Variants in HIVEP1 observed in about 807,000 individuals in gnomAD.
The protein encoded by HIVEP1 is zinc finger protein 40.
Under a neutral mutation model 180.0 loss-of-function variants are expected in HIVEP1, and 36 were observed. That is an observed-to-expected ratio of 0.20 (90% confidence interval 0.15 to 0.26). The LOEUF is 0.26. Ranked by LOEUF, HIVEP1 falls within the 10% of genes least tolerant of loss-of-function variation. The pLI, the probability that HIVEP1 is intolerant of heterozygous loss-of-function variation, is 1.00. For missense variants in HIVEP1, 3,143 were observed against 3,268.7 expected (o/e 0.96, Z 0.94); for synonymous variants, 1,239 against 1,239.0 (o/e 1.00, Z 0.00).
chr6:12,159,165 G>A (rs1447996560), intron 7 of HIVEP1, among the ~76,000 whole-genome samples: 17 of 152,036 alleles, frequency 1.1e-4, no homozygotes, highest in Admixed American at 1.0e-3. Flanking sequence ...TTTGGAAAAA[G>A]TTAATAAGTT....
intron 7 of HIVEP1, among the ~76,000 whole-genome samples, chr6:12,151,117 T>C (rs1006063681): frequency 6.6e-6 from 1 of 152,232 alleles, no homozygotes; most frequent in Non-Finnish European, 1.5e-5. Flanking sequence ...GGAAGTTGTT[T>C]GACGTAAATG....
At chr6:12,197,983 C>T in the HIVEP1 span, among the ~76,000 whole-genome samples, 1 of 152,300 alleles carries the variant, frequency 6.6e-6, no homozygotes, top group Non-Finnish European at 1.5e-5. Context: ...CTGGCTTGGA[C>T]CAGTTGGCTG....
At chr6:12,206,450 AACAC>A in the HIVEP1 span, among the ~76,000 whole-genome samples, 1 of 151,878 alleles carries the variant, frequency 6.6e-6, no homozygotes, top group Admixed American at 6.6e-5. Context: ...GGGAAATTTG[AACAC>A]ACACACACAG....
rs189053119 is a variant in HIVEP1, at chr6:12,119,730, G to A, written c.95-160G>A. On this transcript the variant is annotated intron_variant, in intron 3 of 8. Transcript: ENST00000379388. ...TGATTGGCATCATTGTTCAATTTCC[G>A]GAATGCAGAAGTGCAATTTTATTTA... is the stretch of plus-strand genomic sequence containing the variant. Among the ~76,000 whole-genome samples the A allele has an allele frequency of 4.6e-5, 7 of 152,232 alleles. No homozygotes were observed. In the East Asian group the frequency reaches 1.2e-3, roughly 25 times the overall value.
intron 3 of HIVEP1, among the ~76,000 whole-genome samples, chr6:12,091,146 G>T (rs1226274132): frequency 2.0e-5 from 3 of 152,008 alleles, no homozygotes; most frequent in African/African-American, 4.8e-5. Context: ...AGTAACAGTG[G>T]TGTTGAGATT....
intron 6 of HIVEP1, among the ~76,000 whole-genome samples, chr6:12,131,227 A>G (rs1229517691): frequency 1.3e-5 from 2 of 151,960 alleles, no homozygotes; most frequent in South Asian, 2.1e-4. Context: ...GTTGTACAAC[A>G]TGATGACTAA....
the HIVEP1 span, among the ~76,000 whole-genome samples, chr6:12,191,955 T>C: frequency 0.4 from 60,659 of 152,026 alleles, 12,711 homozygotes; most frequent in Non-Finnish European, 0.45. Flanking sequence ...GAAAACATGA[T>C]AAAGTATGTT....
At chr6:12,158,702 AG>A (rs1157997802) in intron 7 of HIVEP1, among the ~76,000 whole-genome samples, 1 of 152,074 alleles carries the variant, frequency 6.6e-6, no homozygotes, top group Non-Finnish European at 1.5e-5. Flanking sequence ...TCCCTCCCCA[AG>A]GAGACAGGTT....
intron 2 of HIVEP1, among the ~76,000 whole-genome samples, chr6:12,065,289 G>T (rs1474376295): frequency 6.6e-6 from 1 of 152,228 alleles, no homozygotes; most frequent in Non-Finnish European, 1.5e-5. Flanking sequence ...CATGGCGTTT[G>T]ATATTAGAGG....
the HIVEP1 span, among the ~76,000 whole-genome samples, chr6:12,200,272 C>T: frequency 6.6e-6 from 1 of 152,152 alleles, no homozygotes; most frequent in Non-Finnish European, 1.5e-5. Context: ...AAGTTACTAC[C>T]CCTTCCCTAG....
intron 7 of HIVEP1, among the ~76,000 whole-genome samples, chr6:12,159,030 C>G (rs888830953): frequency 2.0e-5 from 3 of 152,170 alleles, no homozygotes; most frequent in African/African-American, 7.2e-5. Context: ...ACTCTTGACT[C>G]TAACCAGATA....
intron 2 of HIVEP1, among the ~76,000 whole-genome samples, chr6:12,085,157 A>G (rs1773035877): frequency 6.6e-6 from 1 of 152,052 alleles, no homozygotes; most frequent in Non-Finnish European, 1.5e-5. Context: ...ATTACTAACG[A>G]TTATGAGCTA....
chr6:12,062,181 T>G (rs1771281817), intron 2 of HIVEP1, among the ~76,000 whole-genome samples: 1 of 152,200 alleles, frequency 6.6e-6, no homozygotes, highest in African/African-American at 2.4e-5. Context: ...TGAACAAATT[T>G]GTAGAATGTT....
intron 2 of HIVEP1, among the ~76,000 whole-genome samples, chr6:12,076,475 T>C (rs1251755608): frequency 6.6e-6 from 1 of 152,184 alleles, no homozygotes; most frequent in Admixed American, 6.5e-5. Flanking sequence ...CAGAAATTTC[T>C]TTTTCACAGT....
intron 4 of HIVEP1, among the ~76,000 whole-genome samples, chr6:12,128,523 C>T (rs949602258): frequency 2.6e-5 from 4 of 152,218 alleles, no homozygotes; most frequent in Non-Finnish European, 5.9e-5. Flanking sequence ...TTGTGCGTTG[C>T]GTTGGATTCA....
chr6:12,156,308 C>T (rs534551208), intron 7 of HIVEP1, among the ~76,000 whole-genome samples: 5 of 152,196 alleles, frequency 3.3e-5, no homozygotes, highest in East Asian at 3.9e-4. Flanking sequence ...AATCTTTGCC[C>T]GTGACTGTAT....
chr6:12,168,573 T>C (rs1393146853), downstream of HIVEP1, among the ~76,000 whole-genome samples: 1 of 151,646 alleles, frequency 6.6e-6, no homozygotes, highest in East Asian at 1.9e-4. Flanking sequence ...TACACTGATG[T>C]GAAAATGATA....
At chr6:12,194,651 A>C in the HIVEP1 span, among the ~76,000 whole-genome samples, 1 of 152,058 alleles carries the variant, frequency 6.6e-6, no homozygotes, top group Non-Finnish European at 1.5e-5. Flanking sequence ...AAAATACAAA[A>C]ATTAACCAGG....
rs1757647923 is a variant in HIVEP1, at chr6:12,121,402, G to C, written c.1607G>C (p.Ser536Thr). 6.2e-7 allele frequency: 1 copy of C among 1,614,082 alleles called. No homozygotes were observed. Among genetic ancestry groups the C allele is most frequent in the Non-Finnish European group, 8.5e-7 (1 of 1,180,044 alleles). ...TTACTAAAATCAAGCTTCACTCCAA[G>C]CAGTCCAGAAAATGTGATAGGTGAC... ...ETLLKSSFTP[S>T]SPENVIGDFL... The change falls in exon 4 of 9, where the codon AGC becomes ACC. Residue 536 changes from serine to threonine, a missense_variant. Around this residue, in one of 12 missense-constraint regions of HIVEP1, gnomAD observed 365 missense variants for 344.4 expected, o/e 1.06. Transcript: ENST00000379388. This position sits in a 1 kb window ranked among gnomAD's most constrained non-coding sequence, Gnocchi z 5.3.
Sources: gnomAD v4.1 joint callset for allele counts (sites outside exome capture counted in the v4.1 genomes callset) on GRCh38, gnomAD v4.1.1 for gene constraint, gnomAD v4.1.1 regional missense constraint, Gnocchi (gnomAD v3.1) non-coding constraint, MANE v1.5 for transcripts, NCBI Gene and HGNC (gene_info 2026-07-23, HGNC 2026-07-21) for gene names.